SLCO1C1: variants seen among roughly 807,000 people sequenced by gnomAD.
The protein encoded by SLCO1C1 is solute carrier organic anion transporter family member 1C1.
In SLCO1C1, 70 loss-of-function variants were observed where a neutral mutation model predicts 76.4. The ratio of observed to expected loss-of-function variants is 0.92; its 90% confidence interval spans 0.76 to 1.12. The LOEUF (loss-of-function observed/expected upper bound fraction) is 1.12, where lower values mean the gene tolerates loss of function less well. SLCO1C1 is among the 50% of genes most tolerant of loss of function. SLCO1C1 has a pLI of 0.00. For missense variants in SLCO1C1, 912 were observed against 823.8 expected (o/e 1.11, Z -1.31); for synonymous variants, 306 against 286.1 (o/e 1.07, Z -0.70).
intron 8 of SLCO1C1, among the ~76,000 whole-genome samples, chr12:20,722,493 C>A (rs1412797626): frequency 6.6e-6 from 1 of 152,186 alleles, no homozygotes; most frequent in Non-Finnish European, 1.5e-5. Flanking sequence ...AATGAACCCC[C>A]TTCATGGAAA....
chr12:20,700,596 C>T (rs554522296), intron 2 of SLCO1C1, among the ~76,000 whole-genome samples: 5 of 151,786 alleles, frequency 3.3e-5, no homozygotes, highest in South Asian at 4.2e-4. Flanking sequence ...TGTCCCTCCC[C>T]GCTCCCCCAA....
chr12:20,726,488 C>A (rs1262720906), intron 9 of SLCO1C1, among the ~76,000 whole-genome samples: 1 of 151,972 alleles, frequency 6.6e-6, no homozygotes, highest in African/African-American at 2.4e-5. Flanking sequence ...TTAGAGATAG[C>A]ATTTTTTCTC....
At chr12:20,751,038 T>A in intron 14 of SLCO1C1, 1 of 729,366 alleles carries the variant, frequency 1.4e-6, no homozygotes, top group Non-Finnish European at 2.2e-6. Flanking sequence ...ATGACAAAAG[T>A]GTCCAGAATA....
At position 20,715,225 on chromosome 12, in the gene SLCO1C1, C is replaced by A. The variant is rs1373777769; in HGVS notation, c.616C>A (p.Pro206Thr). ...LRGIGETPIQ[P>T]LGIAYLDDFA... The stretch of plus-strand genomic sequence containing the variant: ...TGGAATAGGAGAAACTCCCATTCAG[C>A]CTTTGGGCATTGCCTACCTGGATGA... Residue 206 changes from proline to threonine, a missense_variant, in exon 6 of 15, where the codon CCT (proline) becomes ACT (threonine). Physicochemically the swap from Pro to Thr is conservative, Grantham distance 38. Transcript: ENST00000266509. 1.2e-6 allele frequency: 2 copies of A among 1,614,016 alleles called. No homozygotes were observed. The highest frequency in any genetic ancestry group is 1.7e-6 in the Non-Finnish European group (2 of 1,179,936).
chr12:20,704,501 ATACT>A (rs1247457172), intron 3 of SLCO1C1, among the ~76,000 whole-genome samples: 1 of 151,840 alleles, frequency 6.6e-6, no homozygotes, highest in Admixed American at 6.6e-5. Context: ...CTTCTACTAA[ATACT>A]TAAATTTCAA....
intron 7 of SLCO1C1, among the ~76,000 whole-genome samples, chr12:20,719,807 C>T (rs1401600962): frequency 6.6e-6 from 1 of 152,150 alleles, no homozygotes; most frequent in Non-Finnish European, 1.5e-5. Context: ...GTGAAGCAGC[C>T]AGTGCCGGTG....
intron 3 of SLCO1C1, among the ~76,000 whole-genome samples, chr12:20,702,908 G>A (rs1046298682): frequency 6.6e-6 from 1 of 151,846 alleles, no homozygotes; most frequent in Non-Finnish European, 1.5e-5. Context: ...TTGGTCCAAA[G>A]TTTTGTTTGG....
At chr12:20,750,065 G>C (rs1949224733) in intron 13 of SLCO1C1, among the ~76,000 whole-genome samples, 1 of 152,162 alleles carries the variant, frequency 6.6e-6, no homozygotes, top group Admixed American at 6.5e-5. Flanking sequence ...CACAAAAGTA[G>C]AAAGACCCAA....
intron 11 of SLCO1C1, among the ~76,000 whole-genome samples, chr12:20,739,635 C>T (rs1340718714): frequency 6.6e-6 from 1 of 152,032 alleles, no homozygotes; most frequent in Non-Finnish European, 1.5e-5. Flanking sequence ...GAGGGAAGAT[C>T]ACTGAATGGT....
chr12:20,708,723 C>T (rs1001806964), intron 4 of SLCO1C1, among the ~76,000 whole-genome samples: 1 of 152,048 alleles, frequency 6.6e-6, no homozygotes, highest in Non-Finnish European at 1.5e-5. Context: ...GCAATGACCA[C>T]GGAGAAAGCA....
intron 5 of SLCO1C1, among the ~76,000 whole-genome samples, chr12:20,712,499 C>G (rs1016350411): frequency 4.6e-5 from 7 of 152,094 alleles, no homozygotes; most frequent in Non-Finnish European, 5.9e-5. Flanking sequence ...GAGAGCAAAT[C>G]CCCTCTTCTC....
intron 9 of SLCO1C1, among the ~76,000 whole-genome samples, chr12:20,727,596 G>A (rs181113306): frequency 2.0e-5 from 3 of 152,034 alleles, no homozygotes; most frequent in South Asian, 2.1e-4. Context: ...TGCAAGCTCC[G>A]CCTCGCGGGT....
chr12:20,716,485 GATTGGAGAT>G (rs1465430659), intron 6 of SLCO1C1, among the ~76,000 whole-genome samples: 1 of 152,198 alleles, frequency 6.6e-6, no homozygotes, highest in East Asian at 1.9e-4. Flanking sequence ...ATGAAAAACA[GATTGGAGAT>G]ATTTGGAAGG....
intron 5 of SLCO1C1, among the ~76,000 whole-genome samples, chr12:20,711,832 G>C (rs1167351749): frequency 6.6e-6 from 1 of 152,210 alleles, no homozygotes; most frequent in African/African-American, 2.4e-5. Context: ...CCATTGCTCA[G>C]ATATGAAAGA....
At position 20,751,068 on chromosome 12, in the gene SLCO1C1, T is replaced by C. The variant is rs1263065575; in HGVS notation, c.1916+276T>C. On this transcript the variant is annotated intron_variant, in intron 14 of 14. Transcript: ENST00000266509. ...AGAATACAGTAGAATTTTGAAAGTT[T>C]ATGCACACAAATGGGCAAGTATTTC... Among the ~76,000 whole-genome samples, 3 of 152,168 alleles carry C rather than the reference T, an allele frequency of 2.0e-5. No homozygotes were observed. In the East Asian group the frequency reaches 5.8e-4, roughly 29 times the overall value.
rs1948746412 is a variant in SLCO1C1, at chr12:20,740,348, T to G, written c.1713T>G (p.Pro571=). ...TSYTLSLGGI[P]GYILLLRCIK... ...ATACTTTATCCCTAGGTGGCATACC[T>G]GGATACATATTACTTCTGAGGTGAG... The change falls in exon 12 of 15, where the codon CCT becomes CCG. Residue 571 remains proline (P), a synonymous_variant. Transcript: ENST00000266509. 1 of 1,613,210 alleles carries G rather than the reference T, an allele frequency of 6.2e-7. No homozygotes were observed. The highest frequency in any genetic ancestry group is 8.5e-7 in the Non-Finnish European group (1 of 1,179,566).
rs534864930 is a variant in SLCO1C1, at chr12:20,704,854, C to T, written c.272-1095C>T. On this transcript the variant is annotated intron_variant, in intron 3 of 14. Coordinates refer to ENST00000266509, the MANE Select transcript of SLCO1C1 (RefSeq NM_017435.5). ...AGATCTTACTGTATTTAGCATGGTA[C>T]ATCTTAAAAACTAAATATCTCAAAT... Among the ~76,000 whole-genome samples, 4 of 152,034 alleles carry T rather than the reference C, an allele frequency of 2.6e-5. No homozygotes were observed. The South Asian group carries it at 6.2e-4, about 24-fold the overall frequency.
chr12:20,706,162 A>C, intron 4 of SLCO1C1, 81 bp downstream of exon 4: 1 of 1,469,686 alleles, frequency 6.8e-7, no homozygotes, highest in South Asian at 1.5e-5. Flanking sequence ...TAATTATGCA[A>C]ATTTAAGCTT....
In SLCO1C1 at chr12:20,732,996, C is replaced by T. The variant is rs774895768; in HGVS notation, c.1274C>T (p.Ala425Val). ...KKFRISVCGA[A>V]KLYLGSSVFG... ...TTCAGAATCAGTGTGTGTGGAGCTG[C>T]AAAACTCTACTTGGGATCATCTGTC... The change falls in exon 10 of 15, where the codon GCA (alanine) becomes GTA (valine). Residue 425 changes from alanine to valine, a missense_variant. Ala to Val is a moderately conservative substitution (Grantham distance 64, BLOSUM62 0). Transcript: ENST00000266509. 2.5e-6 allele frequency: 4 copies of T among 1,613,800 alleles called. No homozygotes were observed. The highest frequency in any genetic ancestry group is 4.5e-5 in the East Asian group (2 of 44,840).
Sources: allele counts gnomAD v4.1 joint callset (sites outside exome capture counted in the v4.1 genomes callset), GRCh38; gene constraint gnomAD v4.1.1; transcripts MANE v1.5; gene names NCBI Gene and HGNC (gene_info 2026-07-23, HGNC 2026-07-21).